MYSM1: variants seen among roughly 807,000 people sequenced by gnomAD.
The protein encoded by MYSM1 is deubiquitinase MYSM1.
MYSM1 carries 51 observed loss-of-function variants against 116.0 expected under a neutral mutation model. That is an observed-to-expected ratio of 0.44 (90% CI 0.35 to 0.56). The LOEUF is 0.56. MYSM1 is among the 20% of genes least tolerant of loss of function. MYSM1 has a pLI of 0.00. For missense variants in MYSM1, 900 were observed against 974.9 expected (o/e 0.92, Z 1.02); for synonymous variants, 313 against 315.2 (o/e 0.99, Z 0.07).
Position 58,667,121 on chromosome 1 carries a change from T to G in MYSM1, c.1948A>C (p.Ser650Arg). ...TGAGAATGATACCATCCAATAACAC[T>G]GAAGCCTCTAACAGCCAAGGTTTCT... ...ASETLAVRGFSVIGWYHSHPA... is the reference protein window; with the variant it reads ...ASETLAVRGFRVIGWYHSHPA... The change falls in exon 16 of 20, where the codon AGT becomes CGT. Residue 650 changes from serine to arginine, a missense_variant. Transcript: ENST00000472487. 1.2e-6 allele frequency: 2 copies of G among 1,613,610 alleles called. No homozygotes were observed. The highest frequency in any genetic ancestry group is 8.5e-7 in the Non-Finnish European group (1 of 1,179,694).
intron 8 of MYSM1, among the ~76,000 whole-genome samples, chr1:58,681,337 T>C (rs546442020): frequency 6.6e-6 from 1 of 152,370 alleles, no homozygotes; most frequent in African/African-American, 2.4e-5. Flanking sequence ...CACATTATTG[T>C]CACAAGTTCA....
At chr1:58,672,671 C>T (rs997176191) in intron 11 of MYSM1, among the ~76,000 whole-genome samples, 1 of 152,088 alleles carries the variant, frequency 6.6e-6, no homozygotes. Flanking sequence ...ATGTCTCCAG[C>T]TTTGTTCCCT....
At chr1:58,676,664 G>T in intron 9 of MYSM1, 1 of 247,372 alleles carries the variant, frequency 4.0e-6, no homozygotes, top group Non-Finnish European at 7.7e-6. Flanking sequence ...ATCTGCTAAA[G>T]AACTGTATTC....
At chr1:58,676,560 T>C (rs895047843) in intron 9 of MYSM1, among the ~76,000 whole-genome samples, 3 of 152,202 alleles carry the variant, frequency 2.0e-5, no homozygotes, top group Admixed American at 1.3e-4. Context: ...ATTTCCTTTA[T>C]TTAAACATTG....
intron 8 of MYSM1, among the ~76,000 whole-genome samples, chr1:58,677,322 C>T (rs1397858652): frequency 7.9e-5 from 12 of 152,150 alleles, no homozygotes; most frequent in Non-Finnish European, 7.4e-5. Context: ...CCAGTTATCC[C>T]AGGACCTTGA....
chr1:58,692,742 A>G (rs1644920290), intron 3 of MYSM1, 119 bp downstream of exon 3: 3 of 624,110 alleles, frequency 4.8e-6, no homozygotes, highest in Non-Finnish European at 8.2e-6. Flanking sequence ...GAAATTATAT[A>G]ATAGCAGTCT....
Position 58,695,136 on chromosome 1 carries a change from C to T in MYSM1, c.140G>A (p.Gly47Asp), listed in dbSNP as rs1644956542. 6.3e-7 allele frequency: 1 copy of T among 1,590,452 alleles called. No individual in the cohort carries two copies. Among genetic ancestry groups the T allele is most frequent in the South Asian group, 1.1e-5 (1 of 90,494 alleles). The change falls in exon 2 of 20, where the codon GGC becomes GAC. Residue 47 changes from glycine (G) to aspartate (D), a missense_variant. Transcript: ENST00000472487. Reference protein sequence around the residue: ...YLDSSWRTENGLIPWTLDNTI... With the variant: ...YLDSSWRTENDLIPWTLDNTI... ...TTTTTATAAAATACTTACAATAAGG[C>T]CATTCTCTGTTCTCCAAGATGAATC...
At chr1:58,678,238 G>C (rs1644683433) in intron 8 of MYSM1, among the ~76,000 whole-genome samples, 2 of 152,116 alleles carry the variant, frequency 1.3e-5, no homozygotes, top group South Asian at 4.1e-4. Flanking sequence ...TTTGTGATGT[G>C]GGAGGGTACC....
chr1:58,690,616 G>A (rs962588232), intron 3 of MYSM1, among the ~76,000 whole-genome samples, 199 bp from the exon 4 acceptor site: 7 of 151,996 alleles, frequency 4.6e-5, no homozygotes, highest in Admixed American at 2.0e-4. Flanking sequence ...GGCCCAGGAC[G>A]GCTTCAAATG....
At chr1:58,686,725 A>G (rs1644832742) in intron 6 of MYSM1, among the ~76,000 whole-genome samples, 1 of 152,208 alleles carries the variant, frequency 6.6e-6, no homozygotes, top group Non-Finnish European at 1.5e-5. Context: ...CAAATAGATA[A>G]CATTGGTAGG....
intron 6 of MYSM1, 105 bp from the exon 7 acceptor site, chr1:58,685,356 C>T: frequency 3.0e-6 from 2 of 675,134 alleles, no homozygotes; most frequent in Non-Finnish European, 2.4e-6. Context: ...AAAAATACAT[C>T]TTTATTTTCT....
At chr1:58,698,102 A>ATATATATATATATATATATATATATTTTT in intron 1 of MYSM1, among the ~76,000 whole-genome samples, 4 of 7,768 alleles carry the variant, frequency 5.1e-4, no homozygotes, top group African/African-American at 1.0e-3. Flanking sequence ...ATATATATAT[A>ATATATATATATATATATATATATATTTTT]TTTTTTTTTT....
intron 6 of MYSM1, among the ~76,000 whole-genome samples, chr1:58,686,286 A>C (rs17118106): frequency 0.14 from 21,222 of 152,210 alleles, 2,044 homozygotes; most frequent in South Asian, 0.25. Context: ...ATAATTTGAC[A>C]GCTAAAAGGG....
rs1644352500 is a variant in MYSM1, at chr1:58,658,894, A to C, written c.*1103T>G. On this transcript the variant is annotated 3_prime_UTR_variant, in exon 20 of 20. Coordinates refer to ENST00000472487, the MANE Select transcript of MYSM1 (RefSeq NM_001085487.3). ...GATCAAGGGTTGGAGAATAATAGCC[A>C]ACAGCCTATGTTTTATGAGGCCTGT... 1 of 150,998 alleles carries C rather than the reference A, an allele frequency of 6.6e-6. No homozygotes were observed. The highest frequency in any genetic ancestry group is 2.4e-5 in the African/African-American group (1 of 41,152). The allele number at this position is 150,998 out of a possible 1,614,324, so 9.4% of individuals were successfully genotyped here.
In MYSM1 at chr1:58,669,035, C is replaced by G. The variant is rs990775187; in HGVS notation, c.1665G>C (p.Ser555=). The part of the protein sequence containing the change: ...SLKVPRPTKS[S]FDPFQLIPCN... ...AAGGTATCAGTTGGAAGGGATCAAA[C>G]GAGCTGAAAAAGAAAAAAAATTTTC... Residue 555 remains serine, a synonymous_variant, in exon 13 of 20, where the codon TCG becomes TCC. Coordinates refer to ENST00000472487, the MANE Select transcript of MYSM1 (RefSeq NM_001085487.3). 1 of 1,585,730 alleles carries G rather than the reference C, an allele frequency of 6.3e-7. No individual in the cohort carries two copies. Among genetic ancestry groups the G allele is most frequent in the South Asian group, 1.2e-5 (1 of 85,390 alleles).
rs1299196086 is a variant in MYSM1, at chr1:58,658,782, G to T, written c.*1215C>A. The T allele has an allele frequency of 1.3e-5, 2 of 152,124 alleles. No homozygotes were observed. The highest frequency in any genetic ancestry group is 2.9e-5 in the Non-Finnish European group (2 of 68,024). 9.4% of individuals were successfully genotyped at this position (152,124 alleles called of 1,614,324 possible). ...TTATTTTAAAATTGGCTTAAATGCA[G>T]ATCATAATTCTGAGTTTTGGTGTCA... On this transcript the variant is annotated 3_prime_UTR_variant, in exon 20 of 20. Coordinates refer to ENST00000472487, the MANE Select transcript of MYSM1 (RefSeq NM_001085487.3).
At chr1:58,687,153 T>TA (rs1486124488) in intron 6 of MYSM1, among the ~76,000 whole-genome samples, 7 of 151,796 alleles carry the variant, frequency 4.6e-5, no homozygotes, top group Non-Finnish European at 7.4e-5. Flanking sequence ...ATCAATGGTT[T>TA]AAAAAAAAGC....
chr1:58,685,122 T>C (rs2100658468), intron 7 of MYSM1, 31 bp downstream of exon 7: 5 of 1,489,962 alleles, frequency 3.4e-6, no homozygotes, highest in Non-Finnish European at 4.5e-6. Flanking sequence ...AATATTATCA[T>C]TATTAACCAG....
chr1:58,658,165 T>C lies in MYSM1; in HGVS notation c.*1832A>G, dbSNP rs1390696229. 2 of 152,134 alleles carry C rather than the reference T, an allele frequency of 1.3e-5. No individual in the cohort carries two copies. Among genetic ancestry groups the C allele is most frequent in the Non-Finnish European group, 2.9e-5 (2 of 68,022 alleles). The allele number at this position is 152,134 out of a possible 1,614,324, so 9.4% of individuals were successfully genotyped here. On this transcript the variant is annotated 3_prime_UTR_variant, in exon 20 of 20. Coordinates refer to ENST00000472487, the MANE Select transcript of MYSM1 (RefSeq NM_001085487.3). ...GAGCATGGGGTCCAGGTTATGTGTT[T>C]TGATTAAGGTCACACAGCAAAGTTG...
Sources: gnomAD v4.1 joint callset for allele counts (sites outside exome capture counted in the v4.1 genomes callset) on GRCh38, gnomAD v4.1.1 for gene constraint, MANE v1.5 for transcripts, NCBI Gene and HGNC (gene_info 2026-07-23, HGNC 2026-07-21) for gene names.